Variants in NELL1 observed in about 807,000 individuals in gnomAD.
The protein encoded by NELL1 is neural EGFL like 1.
Under a neutral mutation model 107.4 loss-of-function variants are expected in NELL1, and 76 were observed. The observed-to-expected ratio is 0.71, with a 90% confidence interval of 0.59 to 0.86. The LOEUF (loss-of-function observed/expected upper bound fraction) is 0.86, where lower values mean the gene tolerates loss of function less well. Ranked by LOEUF, NELL1 falls within the 40% of genes least tolerant of loss-of-function variation. The pLI is 0.00. For synonymous variants in NELL1, 353 were observed against 341.2 expected (o/e 1.03, Z -0.38); for missense variants, 1,024 against 1,005.5 (o/e 1.02, Z -0.25).
At chr11:21,472,570 T>C (rs967680756) in intron 15 of NELL1, among the ~76,000 whole-genome samples, 1 of 151,982 alleles carries the variant, frequency 6.6e-6, no homozygotes, top group African/African-American at 2.4e-5. Flanking sequence ...TGTTATCTCA[T>C]TATGCTGAGG....
chr11:21,262,221 C>T (rs1848547552), intron 14 of NELL1, among the ~76,000 whole-genome samples: 1 of 151,782 alleles, frequency 6.6e-6, no homozygotes, highest in African/African-American at 2.4e-5. Context: ...GAATAAATCT[C>T]CCCCACAGTT....
At chr11:21,131,828 A>G (rs1272965930) in intron 13 of NELL1, among the ~76,000 whole-genome samples, 1 of 152,154 alleles carries the variant, frequency 6.6e-6, no homozygotes, top group South Asian at 2.1e-4. Context: ...TGAATATTGC[A>G]TGTAACTTTT....
At chr11:21,085,693 C>G (rs1182433193) in intron 12 of NELL1, among the ~76,000 whole-genome samples, 6 of 151,888 alleles carry the variant, frequency 4.0e-5, no homozygotes, top group Non-Finnish European at 8.8e-5. Context: ...TGCCCCAATG[C>G]AAGAAGGAAT....
intron 4 of NELL1, among the ~76,000 whole-genome samples, chr11:20,851,840 T>A (rs529663961): frequency 6.6e-6 from 1 of 152,250 alleles, no homozygotes; most frequent in African/African-American, 2.4e-5. Context: ...CCCCTCACAG[T>A]GATTGGGCCT....
chr11:21,230,301 C>T (rs762302856), intron 14 of NELL1, among the ~76,000 whole-genome samples: 7 of 152,162 alleles, frequency 4.6e-5, no homozygotes, highest in Admixed American at 6.5e-5. Flanking sequence ...AACACTTGGT[C>T]TTGTCCCCCC....
chr11:20,786,549 A>G (rs921155955), intron 3 of NELL1, among the ~76,000 whole-genome samples: 3 of 151,970 alleles, frequency 2.0e-5, no homozygotes, highest in Non-Finnish European at 2.9e-5. Context: ...GAGGGTATCC[A>G]AGTTACATGC....
chr11:21,033,202 T>C (rs1590563574), intron 12 of NELL1, among the ~76,000 whole-genome samples: 1 of 152,204 alleles, frequency 6.6e-6, no homozygotes, highest in African/African-American at 2.4e-5. Context: ...GGTTACTTTG[T>C]ATTAATTCTG....
At chr11:21,249,668 G>T (rs544040972) in intron 14 of NELL1, among the ~76,000 whole-genome samples, 158 of 152,174 alleles carry the variant, frequency 1.0e-3, no homozygotes, top group African/African-American at 3.7e-3. Context: ...AACTGGTAAG[G>T]TCACAAATTG....
intron 14 of NELL1, among the ~76,000 whole-genome samples, chr11:21,312,755 A>G (rs1849776625): frequency 6.6e-6 from 1 of 152,198 alleles, no homozygotes; most frequent in Non-Finnish European, 1.5e-5. Context: ...AAATATGGAT[A>G]AGTGAAATAG....
At chr11:21,365,821 G>T (rs920600013) in intron 14 of NELL1, among the ~76,000 whole-genome samples, 1 of 151,244 alleles carries the variant, frequency 6.6e-6, no homozygotes, top group Admixed American at 6.6e-5. Context: ...AGAGGTTGAG[G>T]GGGGAGGAAT....
intron 15 of NELL1, among the ~76,000 whole-genome samples, chr11:21,404,014 C>CCT (rs1440980198): frequency 2.6e-5 from 3 of 116,448 alleles, no homozygotes; most frequent in Admixed American, 1.8e-4. Context: ...AACCCCCCCC[C>CCT]CCGCAATCAA....
rs571328039 is a variant in NELL1, at chr11:21,439,137, T to C, written c.1645+68189T>C. ...CAGGAACAATCCACAAGCAGAATAC[T>C]AGGCTATAGACAAGTCAACTAAAAA... On this transcript the variant is annotated intron_variant, in intron 15 of 19. Coordinates refer to ENST00000357134, the MANE Select transcript of NELL1 (RefSeq NM_006157.5). Among the ~76,000 whole-genome samples the C allele has an allele frequency of 5.4e-4, 82 of 151,882 alleles. 2 individuals carry two copies. The South Asian group carries it at 0.016, about 29-fold the overall frequency.
At chr11:21,446,284 A>C (rs1200414167) in intron 15 of NELL1, among the ~76,000 whole-genome samples, 4 of 152,108 alleles carry the variant, frequency 2.6e-5, no homozygotes, top group Non-Finnish European at 4.4e-5. Context: ...CAAAACAGGT[A>C]TTTTGAATTT....
intron 2 of NELL1, among the ~76,000 whole-genome samples, chr11:20,706,781 C>A (rs1854972354): frequency 2.0e-5 from 3 of 152,138 alleles, no homozygotes; most frequent in Admixed American, 6.5e-5. Context: ...TTGTGGGTAA[C>A]CCAACCTTTC....
At chr11:21,567,756 C>T (rs1160505532) in intron 17 of NELL1, among the ~76,000 whole-genome samples, 1 of 151,750 alleles carries the variant, frequency 6.6e-6, no homozygotes, top group African/African-American at 2.4e-5. Context: ...ATCAAGTTTT[C>T]AGATGTCACT....
intron 12 of NELL1, among the ~76,000 whole-genome samples, chr11:21,098,215 ATTCTT>A (rs1854699813): frequency 6.6e-6 from 1 of 152,110 alleles, no homozygotes; most frequent in Non-Finnish European, 1.5e-5. Flanking sequence ...TTTTCCAGGT[ATTCTT>A]TTCTTTTCCA....
rs186189324 is a variant in NELL1 at position 21,419,745 on chromosome 11, G to A, written c.1645+48797G>A. On this transcript the variant is annotated intron_variant, in intron 15 of 19. Transcript: ENST00000357134. ...AGAAAGGTGCAATATTCAAGTAAAA[G>A]TACACATAGAAGATATCAAGTATAT... Among the ~76,000 whole-genome samples, 577 of 152,222 alleles carry A rather than the reference G, an allele frequency of 3.8e-3. 4 individuals are homozygous for A. The highest frequency in any genetic ancestry group is 6.4e-3 in the Non-Finnish European group (437 of 67,992).
At chr11:20,969,301 G>C (rs1851447547) in intron 12 of NELL1, among the ~76,000 whole-genome samples, 1 of 152,080 alleles carries the variant, frequency 6.6e-6, no homozygotes, top group Admixed American at 6.6e-5. Context: ...AAAATTCACA[G>C]TTTCCCCTGT....
intron 3 of NELL1, among the ~76,000 whole-genome samples, chr11:20,831,041 T>C (rs1263068704): frequency 2.0e-5 from 3 of 152,312 alleles, no homozygotes; most frequent in African/African-American, 7.2e-5. Flanking sequence ...GAGTCATTGT[T>C]TGGCAAACTC....
Sources: gnomAD v4.1 joint callset for allele counts (sites outside exome capture counted in the v4.1 genomes callset) on GRCh38, gnomAD v4.1.1 for gene constraint, MANE v1.5 for transcripts, NCBI Gene and HGNC (gene_info 2026-07-23, HGNC 2026-07-21) for gene names.